The following ELOVL6 variants were observed in gnomAD, a reference collection of about 807,000 sequenced individuals.
ELOVL6 encodes ELOVL fatty acid elongase 6, also known as very long chain fatty acid elongase 6.
ELOVL6 carries 8 observed loss-of-function variants against 31.7 expected under a neutral mutation model. That is an observed-to-expected ratio of 0.25 (90% CI 0.15 to 0.45). ELOVL6 has a LOEUF of 0.45. ELOVL6 is among the 20% of genes least tolerant of loss of function. The pLI is 1.00. For synonymous variants in ELOVL6, 101 were observed against 117.7 expected (o/e 0.86, Z 0.92); for missense variants, 126 against 326.4 (o/e 0.39, Z 4.73).
rs1214879320 is a variant in ELOVL6 at position 110,084,409 on chromosome 4, A to ATATATCGCATATAT, written c.221+21087_221+21088insATATATGCGATATA. On this transcript the variant is annotated intron_variant, in intron 2 of 3. Transcript: ENST00000302274. Reference sequence around the variant, plus strand: ...TCGCATATATGATATATGATATATGACATACATGATATATCACATATATCA... The same window carrying ATATATCGCATATAT: ...TCGCATATATGATATATGATATATGATATATCGCATATATCATACATGATATATCACATATATCA... 4.2e-4 allele frequency among the ~76,000 whole-genome samples: 5 copies of ATATATCGCATATAT among 12,006 alleles called. 1 individual carries two copies. The highest frequency in any genetic ancestry group is 1.2e-3 in the Non-Finnish European group (5 of 4,330). 7.9% of individuals were successfully genotyped at this position (12,006 alleles called of 152,430 possible).
chr4:110,156,481 T>G (rs1307611531), intron 1 of ELOVL6, among the ~76,000 whole-genome samples: 1 of 151,678 alleles, frequency 6.6e-6, no homozygotes, highest in African/African-American at 2.4e-5. Flanking sequence ...AGCCTAGGAG[T>G]TCGAGACTAG....
intron 1 of ELOVL6, among the ~76,000 whole-genome samples, chr4:110,186,880 C>A (rs1759464365): frequency 1.6e-5 from 2 of 125,768 alleles, no homozygotes; most frequent in African/African-American, 3.0e-5. Flanking sequence ...TACATATATA[C>A]ACATATATAT....
intron 1 of ELOVL6, among the ~76,000 whole-genome samples, chr4:110,194,320 AT>A (rs1759711212): frequency 6.6e-6 from 1 of 152,224 alleles, no homozygotes; most frequent in South Asian, 2.1e-4. Context: ...ATGAGCAGAC[AT>A]TTTTCTCTAC....
At chr4:110,076,779 G>A (rs1378242821) in intron 2 of ELOVL6, among the ~76,000 whole-genome samples, 2 of 152,188 alleles carry the variant, frequency 1.3e-5, no homozygotes, top group Non-Finnish European at 2.9e-5. Flanking sequence ...AGCCGAAGCA[G>A]GGCGAGGCAT....
intron 1 of ELOVL6, among the ~76,000 whole-genome samples, chr4:110,160,187 G>A (rs1313063489): frequency 1.3e-5 from 2 of 152,016 alleles, no homozygotes; most frequent in African/African-American, 4.8e-5. Flanking sequence ...CCATGACAGT[G>A]TTGCTCCTGA....
intron 2 of ELOVL6, among the ~76,000 whole-genome samples, chr4:110,098,590 T>A (rs1156246764): frequency 6.6e-6 from 1 of 152,146 alleles, no homozygotes; most frequent in East Asian, 1.9e-4. Flanking sequence ...TAAACAGAGA[T>A]AATTACTATC....
chr4:110,141,937 A>G (rs1416856587), intron 1 of ELOVL6, among the ~76,000 whole-genome samples: 1 of 148,680 alleles, frequency 6.7e-6, no homozygotes, highest in Non-Finnish European at 1.5e-5. Context: ...TCACCAAGAC[A>G]TATTAGTGGT....
intron 2 of ELOVL6, among the ~76,000 whole-genome samples, chr4:110,087,614 G>T (rs1341262151): frequency 6.6e-6 from 1 of 152,034 alleles, no homozygotes; most frequent in East Asian, 1.9e-4. Context: ...TCCTCATTCT[G>T]CAAAAATACT....
At chr4:110,081,616 GT>G (rs1174444592) in intron 2 of ELOVL6, among the ~76,000 whole-genome samples, 1 of 150,932 alleles carries the variant, frequency 6.6e-6, no homozygotes, top group African/African-American at 2.4e-5. Flanking sequence ...AGACTTAAAT[GT>G]TAGACCTAAA....
In ELOVL6 at chr4:110,046,185, G is replaced by A. The variant is rs1040139048; in HGVS notation, c.*5153C>T. ...TGTCGATGGAAATAAAGTCTCAAGT[G>A]CTACTAAGCATTGGGAAAGTAACAG... On this transcript the variant is annotated 3_prime_UTR_variant, in exon 4 of 4. Coordinates refer to ENST00000302274, the MANE Select transcript of ELOVL6 (RefSeq NM_024090.3). The A allele has an allele frequency of 1.3e-5, 2 of 152,178 alleles. No homozygotes were observed. The highest frequency in any genetic ancestry group is 2.9e-5 in the Non-Finnish European group (2 of 68,050). The allele number at this position is 152,178 out of a possible 1,614,324, so 9.4% of individuals were successfully genotyped here.
At chr4:110,104,308 T>G (rs1214166243) in intron 2 of ELOVL6, among the ~76,000 whole-genome samples, 2 of 152,190 alleles carry the variant, frequency 1.3e-5, no homozygotes, top group African/African-American at 4.8e-5. Context: ...AGAATCATGA[T>G]CTGATACAGA....
chr4:110,164,057 G>C (rs530831124), intron 1 of ELOVL6, among the ~76,000 whole-genome samples: 1 of 152,214 alleles, frequency 6.6e-6, no homozygotes, highest in Non-Finnish European at 1.5e-5. Flanking sequence ...TCTGCTGAGA[G>C]TCATGCCAGT....
At chr4:110,084,436 A>ATATGTGATATATCACATATATGATATG (rs1756142743) in intron 2 of ELOVL6, among the ~76,000 whole-genome samples, 2 of 103,232 alleles carry the variant, frequency 1.9e-5, no homozygotes, top group South Asian at 2.8e-4. Flanking sequence ...CATATATCAT[A>ATATGTGATATATCACATATATGATATG]TATGATATAT....
chr4:110,089,581 T>G (rs62325352), intron 2 of ELOVL6, among the ~76,000 whole-genome samples: 20,301 of 152,178 alleles, frequency 0.13, 1,444 homozygotes, highest in African/African-American at 0.15. Flanking sequence ...ACTTCTGGAT[T>G]TCCTGATAAT....
intron 2 of ELOVL6, among the ~76,000 whole-genome samples, chr4:110,090,847 C>T: frequency 6.6e-6 from 1 of 152,046 alleles, no homozygotes; most frequent in Non-Finnish European, 1.5e-5. Context: ...TTGCGATCCA[C>T]CCGCCTCGGC....
rs148034835 is a variant in ELOVL6, at chr4:110,073,989, T to C, written c.222-14235A>G. Among the ~76,000 whole-genome samples, 9 of 152,314 alleles carry C rather than the reference T, an allele frequency of 5.9e-5. No individual in the cohort carries two copies. In the East Asian group the frequency reaches 1.7e-3, roughly 29 times the overall value. ...ATCCCATAATTCCTCAATTAGATAT[T>C]AGGAGAAGACAAATGCAATGGGAGC... On this transcript the variant is annotated intron_variant, in intron 2 of 3. Transcript: ENST00000302274.
rs1754710676 is a variant in ELOVL6, at chr4:110,046,966, T to A, written c.*4372A>T. On this transcript the variant is annotated 3_prime_UTR_variant, in exon 4 of 4. Coordinates refer to ENST00000302274, the MANE Select transcript of ELOVL6 (RefSeq NM_024090.3). ...AGTCTGAGGCACAAAGAATCAGGTGTTGTATAGAAAAGACAAAGAACGATG... is the reference window on the plus strand; with the variant it reads ...AGTCTGAGGCACAAAGAATCAGGTGATGTATAGAAAAGACAAAGAACGATG... 1 of 152,194 alleles carries A rather than the reference T, an allele frequency of 6.6e-6. No individual in the cohort carries two copies. Among genetic ancestry groups the A allele is most frequent in the Non-Finnish European group, 1.5e-5 (1 of 68,036 alleles). 9.4% of individuals were successfully genotyped at this position (152,194 alleles called of 1,614,324 possible). A position where few individuals can be genotyped will look rare whatever the true frequency, so the allele number is the denominator to read the frequency against.
intron 1 of ELOVL6, among the ~76,000 whole-genome samples, chr4:110,134,327 C>T (rs1757751151): frequency 6.6e-6 from 1 of 152,166 alleles, no homozygotes; most frequent in South Asian, 2.1e-4. Flanking sequence ...TACTCCATCA[C>T]TGAGCCCTAC....
At chr4:110,169,411 G>A (rs1758878009) in intron 1 of ELOVL6, among the ~76,000 whole-genome samples, 1 of 146,628 alleles carries the variant, frequency 6.8e-6, no homozygotes, top group Admixed American at 6.9e-5. Context: ...GCTAATTTTT[G>A]TATTTTTAGT....
Sources: gnomAD v4.1 joint callset for allele counts (sites outside exome capture counted in the v4.1 genomes callset) on GRCh38, gnomAD v4.1.1 for gene constraint, MANE v1.5 for transcripts, NCBI Gene and HGNC (gene_info 2026-07-23, HGNC 2026-07-21) for gene names.